The following SCO2 variants were observed in gnomAD, a reference collection of about 807,000 sequenced individuals.
The protein encoded by SCO2 is synthesis of cytochrome C oxidase 2, also known as cytochrome c oxidase assembly factor SCO2.
For synonymous variants in SCO2, 195 were observed against 148.6 expected, an observed-to-expected ratio of 1.31 and a Z score of -2.27; for missense variants, 429 against 348.7, an observed-to-expected ratio of 1.23 and a Z score of -1.83.
intron 1 of SCO2, 76 bp from the exon 2 acceptor site, chr22:50,524,500 AC>A: frequency 7.3e-7 from 1 of 1,364,666 alleles, no homozygotes; most frequent in Non-Finnish European, 1.0e-6. Flanking sequence ...GCGACTTGAG[AC>A]CAGCCACCCA....
upstream of SCO2, chr22:50,526,389 G>C (rs2069378129): frequency 1.3e-6 from 2 of 1,525,098 alleles, no homozygotes; most frequent in African/African-American, 2.9e-5. Flanking sequence ...GCGGCCAAGG[G>C]CCGAGCCGTC....
intron 1 of SCO2, 94 bp downstream of exon 1, chr22:50,525,378 C>T (rs1288286914): frequency 2.4e-5 from 7 of 293,692 alleles, no homozygotes; most frequent in South Asian, 9.4e-5. Context: ...GTGTGCCCCG[C>T]CAGCCCCGCG....
chr22:50,525,623 G>A, upstream of SCO2: 1 of 1,253,896 alleles, frequency 8.0e-7, no homozygotes, highest in Non-Finnish European at 1.1e-6. Flanking sequence ...TGCGCACACG[G>A]GCGCAGCCGC....
chr22:50,524,950 C>T (rs2069272751), intron 1 of SCO2, among the ~76,000 whole-genome samples: 2 of 151,982 alleles, frequency 1.3e-5, no homozygotes, highest in East Asian at 3.9e-4. Context: ...TGTTTAACCT[C>T]TCCTGGCAGA....
At position 50,523,848 on chromosome 22, in the gene SCO2, C is replaced by T. The variant is rs752473803; in HGVS notation, c.564G>A (p.Leu188=). The change falls in exon 2 of 2, where the codon CTG becomes CTA. Residue 188 remains leucine, a synonymous_variant. Coordinates refer to ENST00000395693, the MANE Select transcript of SCO2 (RefSeq NM_005138.3). ...GTTTGGTGGAGCCGGTCAGACCCAA[C>T]AGTCTTGGGTGGAAGTCCTGGACGT... is the stretch of plus-strand genomic sequence containing the variant. The part of the protein sequence containing the change: ...ARYVQDFHPR[L]LGLTGSTKQV... 7 of 1,613,896 alleles carry T rather than the reference C, an allele frequency of 4.3e-6. No homozygotes were observed. Among genetic ancestry groups the T allele is most frequent in the East Asian group, 2.2e-5 (1 of 44,902 alleles).
chr22:50,526,114 G>C, upstream of SCO2: 2 of 1,488,496 alleles, frequency 1.3e-6, no homozygotes, highest in Non-Finnish European at 1.8e-6. Context: ...CAGCGCCAGC[G>C]GCAGCGCCCG....
At chr22:50,526,154 G>A (rs1238462650), upstream of SCO2, 7 of 1,477,246 alleles carry the variant, frequency 4.7e-6, no homozygotes, top group Admixed American at 1.4e-4. Context: ...GCGGGGAGAG[G>A]GGCTGAGAGG....
upstream of SCO2, chr22:50,525,703 C>G (rs1569521907): frequency 7.0e-6 from 11 of 1,568,310 alleles, no homozygotes; most frequent in Admixed American, 9.4e-5. Flanking sequence ...AGACGGCCCC[C>G]GCCTCCGCAG....
chr22:50,526,188 C>A, upstream of SCO2: 2 of 1,474,924 alleles, frequency 1.4e-6, no homozygotes, highest in East Asian at 2.8e-5. Flanking sequence ...AGGGGCGGGG[C>A]CTCGGGAAGG....
At chr22:50,526,018 C>A, upstream of SCO2, 1 of 1,471,554 alleles carries the variant, frequency 6.8e-7, no homozygotes, top group Non-Finnish European at 8.9e-7. Context: ...CAGCCTCTGA[C>A]CCACGTCGAC....
chr22:50,524,857 C>G (rs2069266284), intron 1 of SCO2: 2 of 360,042 alleles, frequency 5.6e-6, no homozygotes, highest in Non-Finnish European at 1.1e-5. Context: ...CCAGCCACTT[C>G]AACCAACCGC....
At chr22:50,525,740 G>C, upstream of SCO2, 1 of 1,605,842 alleles carries the variant, frequency 6.2e-7, no homozygotes, top group Non-Finnish European at 8.5e-7. Flanking sequence ...TCCCGCCCAA[G>C]CACTGACAAG....
Position 50,524,349 on chromosome 22 carries a change from G to A in SCO2, c.63C>T (p.Val21=). The stretch of plus-strand genomic sequence containing the variant: ...CCTGGCCTCCCAGGGTCCCAGGGAG[G>A]ACCCGAGGCTTGAGCTGAGAGAGCC... ...WHRLSQLKPR[V]LPGTLGGQAL... is the part of the protein sequence containing the mutation. Residue 21 remains valine (V), a synonymous_variant, in exon 2 of 2, where the codon GTC becomes GTT. Transcript: ENST00000395693. The A allele has an allele frequency of 6.2e-7, 1 of 1,602,034 alleles. No individual in the cohort carries two copies. The highest frequency in any genetic ancestry group is 1.1e-5 in the South Asian group (1 of 91,074).
At position 50,524,083 on chromosome 22, in the gene SCO2, C is replaced by T; in HGVS notation, c.329G>A (p.Arg110Lys). The change falls in exon 2 of 2, where the codon AGA becomes AAA. Residue 110 changes from arginine to lysine, a missense_variant. By Grantham distance (26) the Arg-to-Lys change is conservative. Transcript: ENST00000395693. ...GTCAGCCTTGCAGCGAGCCCGGCCTCTGTGATCCAGCAGGTGGAAGTCGCC... is the reference window on the plus strand; with the variant it reads ...GTCAGCCTTGCAGCGAGCCCGGCCTTTGTGATCCAGCAGGTGGAAGTCGCC... The part of the protein sequence containing the change: ...GQGDFHLLDH[R>K]GRARCKADFR... 1 of 1,613,210 alleles carries T rather than the reference C, an allele frequency of 6.2e-7. No homozygotes were observed. Among genetic ancestry groups the T allele is most frequent in the Non-Finnish European group, 8.5e-7 (1 of 1,180,014 alleles).
chr22:50,523,777 C>G lies in SCO2; in HGVS notation c.635G>C (p.Gly212Ala), dbSNP rs1303341594. The change falls in exon 2 of 2, where the codon GGC becomes GCC. Residue 212 changes from glycine (G) to alanine (A), a missense_variant. By Grantham distance (60) the Gly-to-Ala change is moderately conservative (BLOSUM62 0). Coordinates refer to ENST00000395693, the MANE Select transcript of SCO2 (RefSeq NM_005138.3). ...GTAGTCCTGGTCCTCATCCTTGGGG[C>G]CTGCATTGTAGTACACGCGGTAACT... Reference protein sequence around the residue: ...SHSYRVYYNAGPKDEDQDYIV... With the variant: ...SHSYRVYYNAAPKDEDQDYIV... 1 of 1,614,184 alleles carries G rather than the reference C, an allele frequency of 6.2e-7. No individual in the cohort carries two copies. The highest frequency in any genetic ancestry group is 2.2e-5 in the East Asian group (1 of 44,886).
rs768881672 is a variant in SCO2, at chr22:50,523,823, G to C, written c.589C>G (p.Gln197Glu). The C allele has an allele frequency of 3.1e-6, 5 of 1,614,120 alleles. No individual in the cohort carries two copies. The East Asian group carries it at 8.9e-5, about 29-fold the overall frequency. Reference sequence around the variant, plus strand: ...TAACTGTGACTAGCCTGGGCAACCTGTTTGGTGGAGCCGGTCAGACCCAAC... The same window carrying C: ...TAACTGTGACTAGCCTGGGCAACCTCTTTGGTGGAGCCGGTCAGACCCAAC... ...RLLGLTGSTK[Q>E]VAQASHSYRV... Residue 197 changes from glutamine to glutamate, a missense_variant, in exon 2 of 2, where the codon CAG becomes GAG. Coordinates refer to ENST00000395693, the MANE Select transcript of SCO2 (RefSeq NM_005138.3).
At chr22:50,526,014 C>G, upstream of SCO2, 1 of 1,466,054 alleles carries the variant, frequency 6.8e-7, no homozygotes, top group South Asian at 1.3e-5. Context: ...GGCGCAGCCT[C>G]TGACCCACGT....
At position 50,523,960 on chromosome 22, in the gene SCO2, A is replaced by G; in HGVS notation, c.452T>C (p.Leu151Pro). The part of the protein sequence containing the change: ...LEKLVQVVRQ[L>P]EAEPGLPPVQ... Reference sequence around the variant, plus strand: ...TGGAGGCAAACCAGGCTCTGCTTCCAGCTGCCGCACCACCTGCACCAGCTT... The same window carrying G: ...TGGAGGCAAACCAGGCTCTGCTTCCGGCTGCCGCACCACCTGCACCAGCTT... Residue 151 changes from leucine to proline, a missense_variant, in exon 2 of 2, where the codon CTG becomes CCG. Coordinates refer to ENST00000395693, the MANE Select transcript of SCO2 (RefSeq NM_005138.3). The G allele has an allele frequency of 6.2e-7, 1 of 1,612,476 alleles. No homozygotes were observed. The highest frequency in any genetic ancestry group is 8.5e-7 in the Non-Finnish European group (1 of 1,179,012).
chr22:50,525,709 C>T, upstream of SCO2: 3 of 1,575,552 alleles, frequency 1.9e-6, no homozygotes, highest in African/African-American at 1.4e-5. Context: ...CCCCCGCCTC[C>T]GCAGCCCTGG....
Sources: gnomAD v4.1 joint callset for allele counts (sites outside exome capture counted in the v4.1 genomes callset) on GRCh38, gnomAD v4.1.1 for gene constraint, MANE v1.5 for transcripts, NCBI Gene and HGNC (gene_info 2026-07-23, HGNC 2026-07-21) for gene names.